Variants in CSMD1 observed in about 807,000 individuals in gnomAD.
The protein encoded by CSMD1 is CUB and sushi domain-containing protein 1.
CSMD1 carries 213 observed loss-of-function variants against 417.5 expected under a neutral mutation model. That is an observed-to-expected ratio of 0.51 (90% CI 0.46 to 0.57). The LOEUF (loss-of-function observed/expected upper bound fraction) is 0.57, where lower values mean the gene tolerates loss of function less well. Among genes scored for constraint, CSMD1 ranks in the 20% least tolerant of loss-of-function variants. The probability of loss-of-function intolerance (pLI) is 0.00; values close to 1 mark genes in which losing one functional copy is unlikely to be tolerated. For missense variants in CSMD1, 6,923 were observed against 4,529.7 expected, an observed-to-expected ratio of 1.53 and a Z score of -15.17; for synonymous variants, 2,862 against 1,736.8, an observed-to-expected ratio of 1.65 and a Z score of -16.11.
intron 1 of CSMD1, among the ~76,000 whole-genome samples, chr8:4,976,006 C>A (rs1339322367): frequency 6.6e-6 from 1 of 152,180 alleles, no homozygotes; most frequent in East Asian, 1.9e-4. Context: ...TCAACCCTTT[C>A]TGGTTTGGAC....
rs1368906503 is a variant in CSMD1 at position 3,021,852 on chromosome 8, ATCCGGAATGCACCCGCAATCCCACAGCG to A, written c.7856-3230_7856-3203del. Among the ~76,000 whole-genome samples, 851 of 144,718 alleles carry A rather than the reference ATCCGGAATGCACCCGCAATCCCACAGCG, an allele frequency of 5.9e-3. 9 individuals carry two copies. Among genetic ancestry groups the A allele is most frequent in the African/African-American group, 0.019 (710 of 38,362 alleles). The allele number at this position is 144,718 out of a possible 152,430, so 94.9% of individuals were successfully genotyped here. A position where few individuals can be genotyped will look rare whatever the true frequency, so the allele number is the denominator to read the frequency against. ...CGGAATGCACCTGCAATCCCACAGC[ATCCGGAATGCACCCGCAATCCCACAGCG>A]TCCGGAATGCACCTGCAATCCCACA... On this transcript the variant is annotated intron_variant, in intron 51 of 69. Transcript: ENST00000635120.
At chr8:3,240,480 C>G (rs1236612925) in intron 26 of CSMD1, among the ~76,000 whole-genome samples, 1 of 151,682 alleles carries the variant, frequency 6.6e-6, no homozygotes, top group Non-Finnish European at 1.5e-5. Context: ...ACACGATTGG[C>G]AGGGAGAGCA....
In CSMD1 at chr8:4,658,643, G is replaced by C. The variant is rs543256134; in HGVS notation, c.86-21085C>G. Among the ~76,000 whole-genome samples the C allele has an allele frequency of 2.6e-5, 4 of 152,068 alleles. No individual in the cohort carries two copies. The East Asian group carries it at 7.7e-4, about 29-fold the overall frequency. ...ATCCACAATGAAATAAAAAGACTTC[G>C]GAAAGTAAAGCAATGCCGTTAGAAA... On this transcript the variant is annotated intron_variant, in intron 1 of 69. Coordinates refer to ENST00000635120, the MANE Select transcript of CSMD1 (RefSeq NM_033225.6).
chr8:4,281,792 A>C (rs1463977330), intron 3 of CSMD1, among the ~76,000 whole-genome samples: 3 of 152,212 alleles, frequency 2.0e-5, no homozygotes, highest in African/African-American at 7.2e-5. Context: ...ACTGTATTAA[A>C]ACTTAATCTT....
chr8:4,090,772 A>G (rs1266414300), intron 3 of CSMD1, among the ~76,000 whole-genome samples: 1 of 152,220 alleles, frequency 6.6e-6, no homozygotes, highest in Non-Finnish European at 1.5e-5. Flanking sequence ...AGTGGGTTAT[A>G]ATTAATAATT....
chr8:4,263,950 T>C (rs1313326696), intron 3 of CSMD1, among the ~76,000 whole-genome samples: 2 of 152,306 alleles, frequency 1.3e-5, no homozygotes, highest in East Asian at 3.9e-4. Context: ...TATAATGCAA[T>C]TTGTCATAGC....
At chr8:3,279,930 C>G (rs1246000136) in intron 26 of CSMD1, among the ~76,000 whole-genome samples, 1 of 152,124 alleles carries the variant, frequency 6.6e-6, no homozygotes, top group African/African-American at 2.4e-5. Context: ...CATTACAATT[C>G]AAGGTGAGAT....
intron 1 of CSMD1, among the ~76,000 whole-genome samples, chr8:4,984,741 G>A (rs987506802): frequency 6.6e-6 from 1 of 152,176 alleles, no homozygotes; most frequent in African/African-American, 2.4e-5. Flanking sequence ...AGATCCTGCA[G>A]CAAGGAGGAT....
At chr8:4,611,130 A>C (rs569574662) in intron 2 of CSMD1, among the ~76,000 whole-genome samples, 96 of 152,242 alleles carry the variant, frequency 6.3e-4, no homozygotes, top group African/African-American at 2.3e-3. Context: ...AATGGCTGTT[A>C]CTGTTTAGTA....
intron 49 of CSMD1, among the ~76,000 whole-genome samples, chr8:3,073,428 T>A (rs1329373738): frequency 6.6e-6 from 1 of 151,988 alleles, no homozygotes; most frequent in African/African-American, 2.4e-5. Context: ...GAGGGTGACA[T>A]CTTAAAACAG....
intron 2 of CSMD1, among the ~76,000 whole-genome samples, chr8:4,608,761 G>GA (rs1801012834): frequency 1.3e-5 from 2 of 152,174 alleles, no homozygotes; most frequent in Non-Finnish European, 2.9e-5. Context: ...GAGTTCATAT[G>GA]TTCAGGAGGC....
intron 5 of CSMD1, among the ~76,000 whole-genome samples, chr8:3,882,278 A>T (rs1806258141): frequency 6.6e-6 from 1 of 152,206 alleles, no homozygotes. Context: ...CCAAATCATC[A>T]ATCCAATAAA....
intron 23 of CSMD1, among the ~76,000 whole-genome samples, chr8:3,339,164 C>G (rs924597371): frequency 1.3e-5 from 2 of 151,662 alleles, no homozygotes; most frequent in African/African-American, 4.8e-5. Context: ...AGGACATGAA[C>G]TCATCATTTT....
At chr8:4,439,076 C>G (rs1212564546) in intron 2 of CSMD1, among the ~76,000 whole-genome samples, 2 of 152,098 alleles carry the variant, frequency 1.3e-5, no homozygotes, top group South Asian at 2.1e-4. Context: ...TGGCGCCATC[C>G]TATTTCATCT....
chr8:3,040,144 T>C (rs1395750841), intron 50 of CSMD1, among the ~76,000 whole-genome samples: 1 of 152,122 alleles, frequency 6.6e-6, no homozygotes, highest in Non-Finnish European at 1.5e-5. Context: ...GCTCTAGAAT[T>C]TGGAGAAGAT....
intron 5 of CSMD1, among the ~76,000 whole-genome samples, chr8:3,978,139 C>G (rs1224041005): frequency 1.3e-5 from 2 of 152,130 alleles, no homozygotes; most frequent in African/African-American, 2.4e-5. Flanking sequence ...GCCCTGCCCT[C>G]AAGAGAAACT....
chr8:3,786,035 G>C (rs923870512), intron 5 of CSMD1, among the ~76,000 whole-genome samples: 2 of 152,132 alleles, frequency 1.3e-5, no homozygotes, highest in Non-Finnish European at 2.9e-5. Flanking sequence ...AAATTAGAAG[G>C]ACGGAAGAAG....
chr8:4,258,687 T>C (rs1484488269), intron 3 of CSMD1, among the ~76,000 whole-genome samples: 1 of 151,710 alleles, frequency 6.6e-6, no homozygotes, highest in Non-Finnish European at 1.5e-5. Flanking sequence ...CCAGAGGACT[T>C]ACCTCCAAAT....
At chr8:4,148,676 T>G (rs951670263) in intron 3 of CSMD1, among the ~76,000 whole-genome samples, 1 of 152,066 alleles carries the variant, frequency 6.6e-6, no homozygotes, top group Non-Finnish European at 1.5e-5. Flanking sequence ...CGTGCCCTCG[T>G]GTCTCTTCTA....
Sources: allele counts gnomAD v4.1 joint callset (sites outside exome capture counted in the v4.1 genomes callset), GRCh38; gene constraint gnomAD v4.1.1; transcripts MANE v1.5; gene names NCBI Gene and HGNC (gene_info 2026-07-23, HGNC 2026-07-21).